The following TTC17 variants were observed in gnomAD, a reference collection of about 807,000 sequenced individuals.
TTC17 encodes the protein tetratricopeptide repeat domain 17.
Under a neutral mutation model 143.8 loss-of-function variants are expected in TTC17, and 58 were observed. The ratio of observed to expected loss-of-function variants is 0.40; its 90% CI spans 0.33 to 0.50. The LOEUF is 0.50. Among genes scored for constraint, TTC17 ranks in the 20% least tolerant of loss-of-function variants. The pLI is 0.49. For missense variants in TTC17, 1,273 were observed against 1,392.5 expected (o/e 0.91, Z 1.37); for synonymous variants, 501 against 497.8 (o/e 1.01, Z -0.09).
intron 21 of TTC17, among the ~76,000 whole-genome samples, chr11:43,466,007 G>C (rs2134811137): frequency 6.6e-6 from 1 of 152,236 alleles, no homozygotes; most frequent in Middle Eastern, 3.4e-3. Flanking sequence ...CTACAGACTA[G>C]GAGAAAATAT....
intron 16 of TTC17, among the ~76,000 whole-genome samples, chr11:43,440,391 T>C (rs1278256419): frequency 1.3e-5 from 2 of 152,226 alleles, no homozygotes; most frequent in Non-Finnish European, 2.9e-5. Context: ...TCATTCTGTT[T>C]ACATATTCAC....
chr11:43,407,842 A>G (rs906935557), intron 15 of TTC17, among the ~76,000 whole-genome samples: 3 of 152,084 alleles, frequency 2.0e-5, no homozygotes, highest in Non-Finnish European at 2.9e-5. Flanking sequence ...TAAGCTGTAA[A>G]AATATACTGC....
At chr11:43,479,674 G>A (rs548641424) in intron 21 of TTC17, among the ~76,000 whole-genome samples, 7 of 152,280 alleles carry the variant, frequency 4.6e-5, no homozygotes, top group East Asian at 1.9e-4. Flanking sequence ...ATAACACTAG[G>A]TATTTCAGAA....
rs1281247676 is a variant in TTC17, at chr11:43,391,946, A to C, written c.657A>C (p.Leu219=). The C allele has an allele frequency of 3.1e-6, 5 of 1,606,756 alleles. No individual in the cohort carries two copies. In the African/African-American group the frequency reaches 6.7e-5, roughly 22 times the overall value. ...TAGGTCACCTCATTCATGAAGGCCTACAGAAGGTAAGTCATCAGTCACTTA... is the reference window on the plus strand; with the variant it reads ...TAGGTCACCTCATTCATGAAGGCCTCCAGAAGGTAAGTCATCAGTCACTTA... The part of the protein sequence containing the change: ...DDIGHLIHEG[L]QKNTSSWVLY... Residue 219 remains leucine, a synonymous_variant, in exon 5 of 24, where the codon CTA becomes CTC. Coordinates refer to ENST00000039989, the MANE Select transcript of TTC17 (RefSeq NM_018259.6).
chr11:43,412,241 T>C (rs1404180551), intron 15 of TTC17, among the ~76,000 whole-genome samples: 1 of 152,148 alleles, frequency 6.6e-6, no homozygotes, highest in Non-Finnish European at 1.5e-5. Context: ...CTCAGCACTT[T>C]GAGAGGCTAA....
rs763198296 is a variant in TTC17 at position 43,400,044 on chromosome 11, A to T, written c.1215A>T (p.Gln405His). The T allele has an allele frequency of 2.5e-6, 4 of 1,613,042 alleles. No homozygotes were observed. The South Asian group carries it at 4.4e-5, about 18-fold the overall frequency. Reference protein sequence around the residue: ...IHETQMAKEAQLGNHQICRLV... With the variant: ...IHETQMAKEAHLGNHQICRLV... ...AGACTCAGATGGCAAAAGAGGCACA[A>T]TTAGGTAAGTAGTGACTCCAAGTAA... is the stretch of plus-strand genomic sequence containing the variant. The change falls in exon 9 of 24, where the codon CAA becomes CAT. Residue 405 changes from glutamine (Q) to histidine (H), a missense_variant. Gln to His is a conservative substitution (Grantham distance 24). Transcript: ENST00000039989.
chr11:43,374,343 T>C (rs1396918084), intron 1 of TTC17, among the ~76,000 whole-genome samples: 1 of 152,002 alleles, frequency 6.6e-6, no homozygotes, highest in Admixed American at 6.5e-5. Flanking sequence ...CCAGGAAATA[T>C]CATTCTGGAC....
chr11:43,440,986 G>A (rs1451330688), intron 16 of TTC17, among the ~76,000 whole-genome samples: 1 of 151,458 alleles, frequency 6.6e-6, no homozygotes, highest in Non-Finnish European at 1.5e-5. Flanking sequence ...GTTAACTCTG[G>A]AAGGCTGGAT....
At chr11:43,370,862 A>G (rs1030734078) in intron 1 of TTC17, among the ~76,000 whole-genome samples, 7 of 152,134 alleles carry the variant, frequency 4.6e-5, no homozygotes, top group Non-Finnish European at 8.8e-5. Flanking sequence ...TCTGCAGTGC[A>G]GTGGCACGAT....
At chr11:43,470,184 G>A (rs1238542515) in intron 21 of TTC17, among the ~76,000 whole-genome samples, 1 of 152,192 alleles carries the variant, frequency 6.6e-6, no homozygotes. Context: ...ACGTTAGATA[G>A]TCCTAGGACC....
At position 43,494,461 on chromosome 11, in the gene TTC17, A is replaced by T. The variant is rs532491793; in HGVS notation, c.*557A>T. On this transcript the variant is annotated 3_prime_UTR_variant, in exon 24 of 24. Coordinates refer to ENST00000039989, the MANE Select transcript of TTC17 (RefSeq NM_018259.6). ...AGGTAGTTTGCAGGGGAGGAAGGGG[A>T]ATATGATTTTAAAAACAAAATATTT... 6.6e-6 allele frequency: 1 copy of T among 152,312 alleles called. No homozygotes were observed. Among genetic ancestry groups the T allele is most frequent in the African/African-American group, 2.4e-5 (1 of 41,536 alleles). The allele number at this position is 152,312 out of a possible 1,614,324, so 9.4% of individuals were successfully genotyped here.
chr11:43,370,837 G>A (rs1856539312), intron 1 of TTC17, among the ~76,000 whole-genome samples: 1 of 151,322 alleles, frequency 6.6e-6, no homozygotes, highest in Non-Finnish European at 1.5e-5. Flanking sequence ...TTAAGATGGA[G>A]TCTCTGTTGT....
chr11:43,439,114 A>G (rs1947357538), intron 16 of TTC17, among the ~76,000 whole-genome samples: 2 of 152,180 alleles, frequency 1.3e-5, no homozygotes, highest in Admixed American at 6.5e-5. Context: ...CTCTTCAGTT[A>G]AATGTCCTCA....
intron 21 of TTC17, among the ~76,000 whole-genome samples, chr11:43,457,998 C>T (rs1430360904): frequency 3.9e-5 from 6 of 152,050 alleles, no homozygotes; most frequent in Non-Finnish European, 7.4e-5. Context: ...AAAAGCACAT[C>T]TAGGAAAATT....
intron 16 of TTC17, among the ~76,000 whole-genome samples, chr11:43,439,812 C>G (rs1364785466): frequency 1.3e-5 from 2 of 152,092 alleles, no homozygotes; most frequent in African/African-American, 4.8e-5. Context: ...CCCTGTGATT[C>G]TTGATAGTAC....
At chr11:43,411,996 T>G (rs558999719) in intron 15 of TTC17, among the ~76,000 whole-genome samples, 79 of 152,310 alleles carry the variant, frequency 5.2e-4, no homozygotes, top group African/African-American at 1.8e-3. Context: ...TAAAACATTC[T>G]TAGATCTTTT....
At chr11:43,377,907 G>T (rs1292005127) in intron 1 of TTC17, among the ~76,000 whole-genome samples, 1 of 151,548 alleles carries the variant, frequency 6.6e-6, no homozygotes, top group Non-Finnish European at 1.5e-5. Context: ...GTTTTGTTTT[G>T]TTTTTTGTTT....
rs916368650 is a variant in TTC17, at chr11:43,397,430, A to G, written c.857A>G (p.His286Arg). ...HFSADAAVVV[H>R]AALDDSDFFT... ...TCTGCTGATGCTGCTGTCGTGGTCCATGCAGCTCTGGATGACAGTGACTTC... is the reference window on the plus strand; with the variant it reads ...TCTGCTGATGCTGCTGTCGTGGTCCGTGCAGCTCTGGATGACAGTGACTTC... Residue 286 changes from histidine to arginine, a missense_variant, in exon 7 of 24, where the codon CAT (histidine) becomes CGT (arginine). Transcript: ENST00000039989. The G allele has an allele frequency of 9.9e-6, 16 of 1,613,474 alleles. No homozygotes were observed. The highest frequency in any genetic ancestry group is 1.4e-5 in the Non-Finnish European group (16 of 1,179,998).
intron 2 of TTC17, among the ~76,000 whole-genome samples, chr11:43,389,121 A>T (rs985737366): frequency 2.0e-4 from 30 of 151,314 alleles, no homozygotes; most frequent in Non-Finnish European, 4.4e-4. Context: ...AACCTGGGTG[A>T]CAGCAAGACA....
Sources: gnomAD v4.1 joint callset for allele counts (sites outside exome capture counted in the v4.1 genomes callset) on GRCh38, gnomAD v4.1.1 for gene constraint, MANE v1.5 for transcripts, NCBI Gene and HGNC (gene_info 2026-07-23, HGNC 2026-07-21) for gene names.